Variants in GRID2 observed in about 807,000 individuals in gnomAD.
GRID2 encodes glutamate ionotropic receptor delta type subunit 2.
In GRID2, 33 loss-of-function variants were observed where a neutral mutation model predicts 114.8. The observed-to-expected ratio is 0.29, with a 90% CI of 0.22 to 0.38. The LOEUF (loss-of-function observed/expected upper bound fraction) is 0.38. Ranked by LOEUF, GRID2 falls within the 10% of genes least tolerant of loss-of-function variation. GRID2 has a pLI of 1.00. For synonymous variants in GRID2, 505 were observed against 449.9 expected, an observed-to-expected ratio of 1.12 and a Z score of -1.55; for missense variants, 1,184 against 1,257.7, an observed-to-expected ratio of 0.94 and a Z score of 0.89.
chr4:93,138,406 A>G (rs1735466316), intron 4 of GRID2, among the ~76,000 whole-genome samples: 1 of 152,090 alleles, frequency 6.6e-6, no homozygotes, highest in East Asian at 1.9e-4. Flanking sequence ...ACTTATGTTT[A>G]CTACTTATGT....
chr4:92,760,011 G>C (rs571640452), intron 2 of GRID2, among the ~76,000 whole-genome samples: 4 of 151,390 alleles, frequency 2.6e-5, no homozygotes, highest in African/African-American at 7.2e-5. Context: ...CATAGCTGAG[G>C]CGGGTGGATC....
chr4:92,972,203 A>G (rs1369474646), intron 2 of GRID2, among the ~76,000 whole-genome samples: 1 of 140,382 alleles, frequency 7.1e-6, no homozygotes, highest in East Asian at 2.1e-4. Context: ...CTTTGCTAGC[A>G]TTTTTTTTTT....
intron 2 of GRID2, among the ~76,000 whole-genome samples, chr4:92,869,513 C>T (rs1745122475): frequency 6.6e-6 from 1 of 152,148 alleles, no homozygotes; most frequent in East Asian, 1.9e-4. Flanking sequence ...GATCTTAGCC[C>T]ATCTTTGTGT....
At chr4:92,900,623 G>A (rs927635125) in intron 2 of GRID2, among the ~76,000 whole-genome samples, 12 of 152,128 alleles carry the variant, frequency 7.9e-5, no homozygotes, top group Non-Finnish European at 1.5e-4. Context: ...GAGGTCAGGA[G>A]ATCGAGACCA....
chr4:92,572,639 G>A (rs1727686175), intron 1 of GRID2, among the ~76,000 whole-genome samples: 1 of 151,962 alleles, frequency 6.6e-6, no homozygotes, highest in South Asian at 2.1e-4. Context: ...CTTGCATCCT[G>A]GAGATTTGTG....
chr4:92,947,645 AC>A (rs1048298578), intron 2 of GRID2, among the ~76,000 whole-genome samples: 45 of 151,942 alleles, frequency 3.0e-4, no homozygotes, highest in African/African-American at 9.6e-4. Context: ...ATTAATGAAA[AC>A]TGTTTCTTGA....
intron 2 of GRID2, among the ~76,000 whole-genome samples, chr4:92,591,969 A>T (rs190093517): frequency 6.6e-6 from 1 of 152,188 alleles, no homozygotes; most frequent in Non-Finnish European, 1.5e-5. Context: ...AATCATCCCG[A>T]CAATATAAGG....
At chr4:93,118,956 G>T (rs1036601957) in intron 4 of GRID2, among the ~76,000 whole-genome samples, 1 of 152,192 alleles carries the variant, frequency 6.6e-6, no homozygotes, top group Non-Finnish European at 1.5e-5. Context: ...AAAGTCAGAA[G>T]AATGAGTTTT....
At chr4:93,323,288 A>G (rs954418291) in intron 8 of GRID2, among the ~76,000 whole-genome samples, 5 of 152,286 alleles carry the variant, frequency 3.3e-5, no homozygotes, top group Middle Eastern at 3.4e-3. Flanking sequence ...TCCCAGCACC[A>G]TTTATTAAAT....
intron 1 of GRID2, among the ~76,000 whole-genome samples, chr4:92,497,803 T>A (rs1723468838): frequency 6.6e-6 from 1 of 151,914 alleles, no homozygotes; most frequent in Admixed American, 6.6e-5. Context: ...AACCTTTTCC[T>A]TTATGGTCAT....
chr4:93,463,976 A>C (rs567664120), intron 11 of GRID2, among the ~76,000 whole-genome samples: 3 of 152,032 alleles, frequency 2.0e-5, no homozygotes, highest in Non-Finnish European at 4.4e-5. Context: ...GCGACACAGC[A>C]AGACTCCATC....
chr4:92,797,818 A>G (rs1253138731), intron 2 of GRID2, among the ~76,000 whole-genome samples: 1 of 151,926 alleles, frequency 6.6e-6, no homozygotes, highest in Non-Finnish European at 1.5e-5. Context: ...TGCAATTGAA[A>G]CCCATGTTGT....
intron 11 of GRID2, among the ~76,000 whole-genome samples, chr4:93,466,975 T>C (rs1405688212): frequency 6.6e-6 from 1 of 152,156 alleles, no homozygotes; most frequent in Non-Finnish European, 1.5e-5. Context: ...ATATTGTAAA[T>C]ACCTATGAAA....
At chr4:93,114,219 A>G (rs956376278) in intron 4 of GRID2, among the ~76,000 whole-genome samples, 4 of 152,158 alleles carry the variant, frequency 2.6e-5, no homozygotes, top group Admixed American at 1.3e-4. Context: ...CTCATTACCA[A>G]TAACCTACAA....
In GRID2 at chr4:93,126,822, C is replaced by T. The variant is rs1191374351; in HGVS notation, c.735+15869C>T. Among the ~76,000 whole-genome samples the T allele has an allele frequency of 7.2e-5, 11 of 151,790 alleles. No individual in the cohort carries two copies. In the South Asian group the frequency reaches 1.5e-3, roughly 20 times the overall value. On this transcript the variant is annotated intron_variant, in intron 4 of 15. Coordinates refer to ENST00000282020, the MANE Select transcript of GRID2 (RefSeq NM_001510.4). ...CCGTGTTAGCCAGGATGGTCTCGAT[C>T]TCCTGACCTCGTGATCCGCCCGCCT...
At chr4:93,471,526 A>T (rs1320439698) in intron 11 of GRID2, among the ~76,000 whole-genome samples, 1 of 151,758 alleles carries the variant, frequency 6.6e-6, no homozygotes, top group Non-Finnish European at 1.5e-5. Flanking sequence ...TTGATCTTTG[A>T]TTTGGTGTGT....
chr4:92,842,493 G>T (rs888867360), intron 2 of GRID2, among the ~76,000 whole-genome samples: 1 of 152,092 alleles, frequency 6.6e-6, no homozygotes, highest in African/African-American at 2.4e-5. Context: ...TATATTTTGT[G>T]TTATTCTATT....
intron 4 of GRID2, among the ~76,000 whole-genome samples, chr4:93,178,092 G>A (rs1044208297): frequency 6.8e-6 from 1 of 147,162 alleles, no homozygotes; most frequent in African/African-American, 2.5e-5. Flanking sequence ...AAACATATAA[G>A]CTAGTGAGCA....
rs189787111 is a variant in GRID2 at position 92,318,155 on chromosome 4, C to A, written c.88+13411C>A. On this transcript the variant is annotated intron_variant, in intron 1 of 15. Transcript: ENST00000282020. The stretch of plus-strand genomic sequence containing the variant: ...GTGAAGCACATGACAATGATAAATG[C>A]AAAAATCTGACTAGCAATTAATAGA... 4.0e-3 allele frequency among the ~76,000 whole-genome samples: 601 copies of A among 151,362 alleles called. 3 individuals are homozygous for A. The highest frequency in any genetic ancestry group is 0.012 in the African/African-American group (500 of 41,256).
Sources: gnomAD v4.1 joint callset for allele counts (sites outside exome capture counted in the v4.1 genomes callset) on GRCh38, gnomAD v4.1.1 for gene constraint, MANE v1.5 for transcripts, NCBI Gene and HGNC (gene_info 2026-07-23, HGNC 2026-07-21) for gene names.